RRP1B: variants seen among roughly 807,000 people sequenced by gnomAD.
RRP1B encodes ribosomal RNA processing 1B, also known as ribosomal RNA processing protein 1 homolog B.
RRP1B carries 56 observed loss-of-function variants against 80.2 expected under a neutral mutation model. The observed-to-expected ratio is 0.70, with a 90% CI of 0.56 to 0.87. RRP1B has a LOEUF of 0.87. Among genes scored for constraint, RRP1B ranks in the 40% least tolerant of loss-of-function variants. The pLI, the probability that RRP1B is intolerant of heterozygous loss-of-function variation, is 0.00. For missense variants in RRP1B, 807 were observed against 939.8 expected, an observed-to-expected ratio of 0.86 and a Z score of 1.85; for synonymous variants, 351 against 357.6, an observed-to-expected ratio of 0.98 and a Z score of 0.21.
In RRP1B at chr21:43,684,544, C is replaced by G. The variant is rs775859351; in HGVS notation, c.892-9C>G. 1.3e-5 allele frequency: 21 copies of G among 1,612,912 alleles called. No homozygotes were observed. The South Asian group carries it at 2.0e-4, about 15-fold the overall frequency. On this transcript the variant is annotated splice_polypyrimidine_tract_variant and intron_variant, in intron 9 of 15. Coordinates refer to ENST00000340648, the MANE Select transcript of RRP1B (RefSeq NM_015056.3). Reference sequence around the variant, plus strand: ...TGCAGACTTATGTTTAGTTTCTCTTCCTGCCTAGTTTGACTATAAGGCTGT... The same window carrying G: ...TGCAGACTTATGTTTAGTTTCTCTTGCTGCCTAGTTTGACTATAAGGCTGT...
intron 8 of RRP1B, among the ~76,000 whole-genome samples, chr21:43,679,871 A>G (rs912156188): frequency 1.3e-4 from 20 of 152,066 alleles, no homozygotes; most frequent in Non-Finnish European, 2.6e-4. Context: ...TTGGTTAGGT[A>G]TATTCCTAAG....
chr21:43,683,354 A>G lies in RRP1B; in HGVS notation c.872A>G (p.Asp291Gly). 6.2e-7 allele frequency: 1 copy of G among 1,613,972 alleles called. No individual in the cohort carries two copies. Among genetic ancestry groups the G allele is most frequent in the South Asian group, 1.1e-5 (1 of 91,080 alleles). Residue 291 changes from aspartate (D) to glycine (G), a missense_variant, in exon 9 of 16, where the codon GAC becomes GGC. Asp to Gly is a moderately conservative substitution (Grantham distance 94, BLOSUM62 -1). Coordinates refer to ENST00000340648, the MANE Select transcript of RRP1B (RefSeq NM_015056.3). ...RGRDDCGTFE[D>G]TGPLLQFDYK... ...AGAGATGACTGTGGAACCTTTGAGG[A>G]CACAGGGCCCCTTCTCCAGGTGGGT...
At chr21:43,690,524 G>A in intron 14 of RRP1B, 84 bp downstream of exon 14, 1 of 1,487,080 alleles carries the variant, frequency 6.7e-7, no homozygotes, top group Non-Finnish European at 9.2e-7. Context: ...CCCATGCCGG[G>A]CCTGGAGCCC....
rs916905390 is a variant in RRP1B at position 43,693,803 on chromosome 21, A to G, written c.*420A>G. The G allele has an allele frequency of 1.2e-5, 2 of 160,110 alleles. No homozygotes were observed. Among genetic ancestry groups the G allele is most frequent in the African/African-American group, 4.8e-5 (2 of 41,624 alleles). The allele number at this position is 160,110 out of a possible 1,614,324, so 9.9% of individuals were successfully genotyped here. A position where few individuals can be genotyped will look rare whatever the true frequency, so the allele number is the denominator to read the frequency against. On this transcript the variant is annotated 3_prime_UTR_variant, in exon 16 of 16. Coordinates refer to ENST00000340648, the MANE Select transcript of RRP1B (RefSeq NM_015056.3). The surrounding 1 kb of genome is among the most constrained non-coding windows in gnomAD (Gnocchi z 4.1). ...TACTCATTACCGTATTCGCCGTACT[A>G]AGTTGGTTTCTGTTAGTCTTAACAG...
chr21:43,678,967 TC>T (rs2083032657), intron 8 of RRP1B, among the ~76,000 whole-genome samples: 1 of 152,204 alleles, frequency 6.6e-6, no homozygotes, highest in African/African-American at 2.4e-5. Flanking sequence ...GGATCCAGTT[TC>T]ATTCTTCTTG....
chr21:43,668,612 G>A (rs1311645056), intron 1 of RRP1B, among the ~76,000 whole-genome samples: 1 of 151,936 alleles, frequency 6.6e-6, no homozygotes, highest in Non-Finnish European at 1.5e-5. Flanking sequence ...CCCGTGATCC[G>A]CCCACCTCAG....
chr21:43,688,369 T>C (rs1005319284), intron 13 of RRP1B, 129 bp downstream of exon 13: 5 of 1,143,262 alleles, frequency 4.4e-6, no homozygotes, highest in Non-Finnish European at 6.1e-6. Flanking sequence ...GCAGTTAGAA[T>C]AGGGTGTGTT....
rs531066883 is a variant in RRP1B, at chr21:43,687,203, G to A, written c.1141+268G>A. ...GGAGCTGCAGGGAGCACTGGGGGGC[G>A]GCTGTTTGATGACCACTCGAGATCT... On this transcript the variant is annotated intron_variant, in intron 12 of 15. Coordinates refer to ENST00000340648, the MANE Select transcript of RRP1B (RefSeq NM_015056.3). Among the ~76,000 whole-genome samples, 8 of 152,238 alleles carry A rather than the reference G, an allele frequency of 5.3e-5. No individual in the cohort carries two copies. In the East Asian group the frequency reaches 5.8e-4, roughly 11 times the overall value.
At chr21:43,661,363 G>A (rs1213464992) in intron 1 of RRP1B, among the ~76,000 whole-genome samples, 3 of 152,164 alleles carry the variant, frequency 2.0e-5, no homozygotes, top group African/African-American at 7.2e-5. Context: ...CCGAAATCCT[G>A]TTCTCTGCTG....
chr21:43,665,470 C>T (rs1402895550), intron 1 of RRP1B, among the ~76,000 whole-genome samples: 1 of 152,192 alleles, frequency 6.6e-6, no homozygotes, highest in South Asian at 2.1e-4. Context: ...TTGCAATAAA[C>T]GTGTTTTTAT....
intron 8 of RRP1B, among the ~76,000 whole-genome samples, chr21:43,679,999 TG>T (rs1363283504): frequency 1.3e-5 from 2 of 152,212 alleles, no homozygotes; most frequent in Non-Finnish European, 2.9e-5. Context: ...GCTTGGTCGT[TG>T]TTGGTGTATA....
intron 3 of RRP1B, 64 bp from the exon 4 acceptor site, chr21:43,673,806 T>G (rs1350849222): frequency 5.1e-6 from 5 of 979,080 alleles, no homozygotes; most frequent in Non-Finnish European, 7.9e-6. Context: ...CTTCATTATT[T>G]TCTTGCTATA....
At position 43,688,076 on chromosome 21, in the gene RRP1B, A is replaced by G. The variant is rs2083071506; in HGVS notation, c.1702A>G (p.Arg568Gly). 2 of 1,611,762 alleles carry G rather than the reference A, an allele frequency of 1.2e-6. No homozygotes were observed. Among genetic ancestry groups the G allele is most frequent in the Non-Finnish European group, 1.7e-6 (2 of 1,179,334 alleles). Reference sequence around the variant, plus strand: ...CAGCCACACCACGCTGCCCCAGCGCAGGAGGCTGCAGAAAAAGAAGGCAGG... The same window carrying G: ...CAGCCACACCACGCTGCCCCAGCGCGGGAGGCTGCAGAAAAAGAAGGCAGG... ...ANSHTTLPQR[R>G]RLQKKKAGPG... The change falls in exon 13 of 16, where the codon AGG becomes GGG. Residue 568 changes from arginine (R) to glycine (G), a missense_variant. Arg to Gly is a moderately radical substitution (Grantham distance 125, BLOSUM62 -2). Transcript: ENST00000340648.
In RRP1B at chr21:43,695,101, G is replaced by A. The variant is rs1289018953; in HGVS notation, c.*1718G>A. ...GTGGCTTAATGGCTGCATTAGATAGGATCCTCACATCCCATTCAGAACCAA... is the reference window on the plus strand; with the variant it reads ...GTGGCTTAATGGCTGCATTAGATAGAATCCTCACATCCCATTCAGAACCAA... On this transcript the variant is annotated 3_prime_UTR_variant, in exon 16 of 16. Coordinates refer to ENST00000340648, the MANE Select transcript of RRP1B (RefSeq NM_015056.3). 6.6e-6 allele frequency: 1 copy of A among 151,864 alleles called. No homozygotes were observed. The highest frequency in any genetic ancestry group is 2.4e-5 in the African/African-American group (1 of 41,362). 9.4% of individuals were successfully genotyped at this position (151,864 alleles called of 1,614,324 possible). A position where few individuals can be genotyped will look rare whatever the true frequency, so the allele number is the denominator to read the frequency against.
At chr21:43,676,091 CT>C (rs1285682075) in intron 6 of RRP1B, among the ~76,000 whole-genome samples, 180 bp from the exon 7 acceptor site, 1 of 152,126 alleles carries the variant, frequency 6.6e-6, no homozygotes, top group Non-Finnish European at 1.5e-5. Context: ...GGAGGGCGGC[CT>C]CAGTCTTCAG....
In RRP1B at chr21:43,673,911, G is replaced by T; in HGVS notation, c.313G>T (p.Glu105Ter). The change falls in exon 4 of 16, where the codon GAA (glutamate) becomes TAA (stop). Residue 105 changes from glutamate (E) to a stop codon, truncating the protein, a stop_gained. Transcript: ENST00000340648. LOFTEE classifies it high-confidence loss of function. ...GACCTTTTGGCAAACCATGAATCGA[G>T]AATGGAAAGGAATAGACAGGCTACG... The part of the protein sequence containing the change: ...IQTFWQTMNR[E>*]WKGIDRLRLD... 1 of 1,613,694 alleles carries T rather than the reference G, an allele frequency of 6.2e-7. No homozygotes were observed. Among genetic ancestry groups the T allele is most frequent in the Non-Finnish European group, 8.5e-7 (1 of 1,179,780 alleles).
Position 43,687,621 on chromosome 21 carries a change from C to G in RRP1B, c.1247C>G (p.Pro416Arg), listed in dbSNP as rs1291184619. ...KHHLQPENPG[P>R]GGAAPSLEQN... The stretch of plus-strand genomic sequence containing the variant: ...CACCTGCAGCCTGAAAATCCAGGCC[C>G]AGGGGGTGCAGCCCCATCCCTGGAA... The change falls in exon 13 of 16, where the codon CCA becomes CGA. Residue 416 changes from proline (P) to arginine (R), a missense_variant. Transcript: ENST00000340648. 6.5e-7 allele frequency: 1 copy of G among 1,535,096 alleles called. No individual in the cohort carries two copies. Among genetic ancestry groups the G allele is most frequent in the Non-Finnish European group, 8.7e-7 (1 of 1,145,132 alleles).
chr21:43,690,658 G>T (rs1324935190), intron 14 of RRP1B, among the ~76,000 whole-genome samples: 2 of 152,180 alleles, frequency 1.3e-5, no homozygotes, highest in African/African-American at 4.8e-5. Context: ...AGGGGCGGTT[G>T]ATCCACACAT....
chr21:43,686,688 A>G, intron 11 of RRP1B, 116 bp from the exon 12 acceptor site: 5 of 1,223,726 alleles, frequency 4.1e-6, no homozygotes, highest in Non-Finnish European at 5.7e-6. Context: ...TGGGTGGGAG[A>G]AACGGTGAGG....
Sources: gnomAD v4.1 joint callset for allele counts (sites outside exome capture counted in the v4.1 genomes callset) on GRCh38, gnomAD v4.1.1 for gene constraint, Gnocchi (gnomAD v3.1) non-coding constraint, MANE v1.5 for transcripts, NCBI Gene and HGNC (gene_info 2026-07-23, HGNC 2026-07-21) for gene names.